The following RARB variants were observed in gnomAD, a reference collection of about 807,000 sequenced individuals.
RARB encodes retinoic acid receptor beta.
A neutral mutation model predicts 51.9 loss-of-function variants in RARB; 17 were observed. The ratio of observed to expected loss-of-function variants is 0.33; its 90% CI spans 0.22 to 0.49. The LOEUF (loss-of-function observed/expected upper bound fraction) is 0.49. Among genes scored for constraint, RARB ranks in the 20% least tolerant of loss-of-function variants. The probability of loss-of-function intolerance (pLI) is 0.99; values close to 1 mark genes in which losing one functional copy is unlikely to be tolerated. For synonymous variants in RARB, 215 were observed against 195.4 expected, an observed-to-expected ratio of 1.10 and a Z score of -0.84; for missense variants, 369 against 550.8, an observed-to-expected ratio of 0.67 and a Z score of 3.30.
chr3:25,131,253 C>T (rs894032003), intron 3 of RARB, among the ~76,000 whole-genome samples: 3 of 151,914 alleles, frequency 2.0e-5, no homozygotes, highest in Non-Finnish European at 2.9e-5. Flanking sequence ...CAACATGACT[C>T]AGTTAAGGTT....
At chr3:25,532,966 G>A (rs763037531) in intron 3 of RARB, among the ~76,000 whole-genome samples, 4 of 152,156 alleles carry the variant, frequency 2.6e-5, no homozygotes, top group East Asian at 1.9e-4. Context: ...ACACTAGGTG[G>A]CAGGCAAAAC....
In RARB at chr3:25,007,605, C is replaced by CAAAAAAAA. The variant is rs1279154112; in HGVS notation, c.-379-52513_-379-52512insAAAAAAAA. ...GTGAGACTGTCTCAAAAAAAAAAAA[C>CAAAAAAAA]AAAAAAACCTCATATTTTCTGAAAG... is the stretch of plus-strand genomic sequence containing the variant. On this transcript the variant is annotated intron_variant, in intron 2 of 11. Transcript: ENST00000383772. Among the ~76,000 whole-genome samples the CAAAAAAAA allele has an allele frequency of 1.2e-4, 7 of 60,648 alleles. 1 individual carries two copies. Among genetic ancestry groups the CAAAAAAAA allele is most frequent in the South Asian group, 8.5e-4 (1 of 1,182 alleles). 39.8% of individuals were successfully genotyped at this position (60,648 alleles called of 152,430 possible). A position where few individuals can be genotyped will look rare whatever the true frequency, so the allele number is the denominator to read the frequency against.
At chr3:24,855,496 C>G (rs9865756) in intron 1 of RARB, among the ~76,000 whole-genome samples, 146 of 152,260 alleles carry the variant, frequency 9.6e-4, no homozygotes, top group African/African-American at 3.4e-3. Context: ...TGGACCTCAG[C>G]TTTCCTTTGT....
At position 25,180,661 on chromosome 3, in the gene RARB, C is replaced by T. The variant is rs186527918; in HGVS notation, c.178+6086C>T. On this transcript the variant is annotated intron_variant, in intron 5 of 11. Coordinates refer to the RARB transcript ENST00000383772. ...CTTATGCCTTGTCACTGACGTGATGCAGCGACTCATTCTGTCTTTGTTTCT... is the reference window on the plus strand; with the variant it reads ...CTTATGCCTTGTCACTGACGTGATGTAGCGACTCATTCTGTCTTTGTTTCT... 2.1e-3 allele frequency among the ~76,000 whole-genome samples: 322 copies of T among 152,320 alleles called. 3 individuals carry two copies. Among genetic ancestry groups the T allele is most frequent in the Non-Finnish European group, 2.7e-3 (184 of 68,024 alleles).
At chr3:25,235,155 GCCA>G (rs1202073169) in intron 5 of RARB, among the ~76,000 whole-genome samples, 1 of 152,090 alleles carries the variant, frequency 6.6e-6, no homozygotes, top group Non-Finnish European at 1.5e-5. Flanking sequence ...AGTGGTTCTG[GCCA>G]TTCTTCAAGT....
intron 5 of RARB, among the ~76,000 whole-genome samples, chr3:25,581,289 C>G (rs901502830): frequency 6.6e-6 from 1 of 152,212 alleles, no homozygotes; most frequent in African/African-American, 2.4e-5. Context: ...TATAGCACTT[C>G]AAAAGCTGAT....
intron 2 of RARB, among the ~76,000 whole-genome samples, chr3:25,467,219 A>G (rs557937857): frequency 3.3e-4 from 50 of 152,262 alleles, no homozygotes; most frequent in Non-Finnish European, 5.6e-4. Flanking sequence ...TTTCTGGAAC[A>G]TAGTCTATGC....
intron 5 of RARB, among the ~76,000 whole-genome samples, chr3:25,389,285 T>C (rs1312819358): frequency 6.6e-6 from 1 of 152,164 alleles, no homozygotes; most frequent in South Asian, 2.1e-4. Flanking sequence ...TGCTGCTTCT[T>C]TAGTGATAGC....
chr3:25,347,291 C>T (rs1705423263), intron 5 of RARB, among the ~76,000 whole-genome samples: 2 of 152,074 alleles, frequency 1.3e-5, no homozygotes, highest in Admixed American at 1.3e-4. Context: ...AATTCAGTAA[C>T]GTAAGTGAAA....
chr3:24,920,747 C>G (rs1695200787), intron 2 of RARB, among the ~76,000 whole-genome samples: 1 of 152,184 alleles, frequency 6.6e-6, no homozygotes. Flanking sequence ...AGTCTTTAAA[C>G]TCCTCCAAAC....
At chr3:25,368,219 A>C (rs565640184) in intron 5 of RARB, among the ~76,000 whole-genome samples, 1 of 152,194 alleles carries the variant, frequency 6.6e-6, no homozygotes, top group South Asian at 2.1e-4. Context: ...GCAGAATCCA[A>C]ATTTGTTTAT....
At chr3:25,247,615 C>T (rs531752549) in intron 5 of RARB, among the ~76,000 whole-genome samples, 1 of 152,282 alleles carries the variant, frequency 6.6e-6, no homozygotes, top group Non-Finnish European at 1.5e-5. Context: ...GAGGCAATGC[C>T]CCACCCTGCT....
Position 25,024,461 on chromosome 3 carries a change from A to T in RARB, c.-379-35664A>T, listed in dbSNP as rs527855402. ...ATTAATAAGATTTGAGAGTAATTAT[A>T]GAGACTATCATGAACATTAAGCAAC... On this transcript the variant is annotated intron_variant, in intron 2 of 11. Transcript: ENST00000383772. Among the ~76,000 whole-genome samples, 9 of 152,338 alleles carry T rather than the reference A, an allele frequency of 5.9e-5. 1 individual carries two copies. In the South Asian group the frequency reaches 1.9e-3, roughly 32 times the overall value.
chr3:25,186,655 G>A (rs528320613), intron 5 of RARB, among the ~76,000 whole-genome samples: 2 of 152,040 alleles, frequency 1.3e-5, no homozygotes, highest in East Asian at 3.9e-4. Flanking sequence ...GAATGGAAAT[G>A]AATGAAATGA....
intron 5 of RARB, among the ~76,000 whole-genome samples, chr3:25,285,443 T>A (rs768522593): frequency 1.3e-5 from 2 of 152,066 alleles, no homozygotes; most frequent in Non-Finnish European, 2.9e-5. Flanking sequence ...CACATGACAA[T>A]AGGAAGACAT....
At chr3:25,006,008 C>A (rs1261807036) in intron 2 of RARB, among the ~76,000 whole-genome samples, 2 of 152,112 alleles carry the variant, frequency 1.3e-5, no homozygotes, top group South Asian at 2.1e-4. Context: ...CACTGACAAT[C>A]CCACCTCAGG....
At position 25,360,481 on chromosome 3, in the gene RARB, G is replaced by T. The variant is rs377424301; in HGVS notation, c.179-100712G>T. 2.0e-4 allele frequency among the ~76,000 whole-genome samples: 30 copies of T among 152,250 alleles called. No individual in the cohort carries two copies. The South Asian group carries it at 3.3e-3, about 17-fold the overall frequency. ...GGCATTTAGCCAATTTACATTTAAGGTTAATATTGTTATGTGTGAATTTGA... is the reference window on the plus strand; with the variant it reads ...GGCATTTAGCCAATTTACATTTAAGTTTAATATTGTTATGTGTGAATTTGA... On this transcript the variant is annotated intron_variant, in intron 5 of 11. Coordinates refer to the RARB transcript ENST00000383772.
intron 5 of RARB, among the ~76,000 whole-genome samples, chr3:25,191,800 G>A (rs1004029424): frequency 6.6e-6 from 1 of 152,100 alleles, no homozygotes; most frequent in African/African-American, 2.4e-5. Flanking sequence ...ACAAGGCACA[G>A]TAGTTTGCTT....
At chr3:25,547,334 A>T (rs1699657575) in intron 3 of RARB, among the ~76,000 whole-genome samples, 1 of 152,210 alleles carries the variant, frequency 6.6e-6, no homozygotes, top group Non-Finnish European at 1.5e-5. Context: ...TGAAAACCCA[A>T]GGCCAGAAAA....
Sources: allele counts gnomAD v4.1 joint callset (sites outside exome capture counted in the v4.1 genomes callset), GRCh38; gene constraint gnomAD v4.1.1; transcripts MANE v1.5; gene names NCBI Gene and HGNC (gene_info 2026-07-23, HGNC 2026-07-21).